GSE1: variants seen among roughly 807,000 people sequenced by gnomAD.
The protein encoded by GSE1 is genetic suppressor element 1.
In GSE1, 32 loss-of-function variants were observed where a neutral mutation model predicts 112.6. The observed-to-expected ratio is 0.28, with a 90% CI of 0.21 to 0.38. The LOEUF (loss-of-function observed/expected upper bound fraction) is 0.38. Ranked by LOEUF, GSE1 falls within the 10% of genes least tolerant of loss-of-function variation. The pLI is 1.00. For missense variants in GSE1, 2,348 were observed against 1,699.2 expected (o/e 1.38, Z -6.71); for synonymous variants, 1,115 against 735.6 (o/e 1.52, Z -8.35).
chr16:85,396,192 C>G (rs118043500), intron 2 of GSE1, among the ~76,000 whole-genome samples: 1 of 152,216 alleles, frequency 6.6e-6, no homozygotes, highest in East Asian at 1.9e-4. Context: ...TGCCCCTGCC[C>G]GTCTCCTCCC....
chr16:85,276,430 C>T (rs373053345), intron 1 of GSE1, among the ~76,000 whole-genome samples: 2 of 152,334 alleles, frequency 1.3e-5, no homozygotes, highest in East Asian at 1.9e-4. Context: ...GTTCACCCAG[C>T]GGTTTTCTGA....
At chr16:85,257,201 T>G (rs1008143269) in intron 1 of GSE1, among the ~76,000 whole-genome samples, 1 of 152,154 alleles carries the variant, frequency 6.6e-6, no homozygotes, top group African/African-American at 2.4e-5. Flanking sequence ...CTCCACCTCC[T>G]GGGTTCAAGC....
chr16:85,662,715 G>T, intron 9 of GSE1: 1 of 472,204 alleles, frequency 2.1e-6, no homozygotes, highest in Admixed American at 3.7e-5. Flanking sequence ...CTGCCAGGGG[G>T]AGGAGGGAGG....
intron 1 of GSE1, among the ~76,000 whole-genome samples, chr16:85,189,850 T>A (rs1161446510): frequency 1.3e-5 from 2 of 152,258 alleles, no homozygotes; most frequent in African/African-American, 4.8e-5. Flanking sequence ...GCCTGTAGGT[T>A]CTGTAATGAT....
At position 85,633,423 on chromosome 16, in the gene GSE1, G is replaced by A. The variant is rs539791985; in HGVS notation, c.8-491G>A. ...CAGTCTTCTGAGGGCATTGCCATGC[G>A]TGCCTGGCATCGTGTGCTTGTCGCG... On this transcript the variant is annotated intron_variant, in intron 1 of 15. Transcript: ENST00000253458. Among the ~76,000 whole-genome samples, 17 of 152,346 alleles carry A rather than the reference G, an allele frequency of 1.1e-4. No homozygotes were observed. The South Asian group carries it at 2.3e-3, about 20-fold the overall frequency.
intron 2 of GSE1, among the ~76,000 whole-genome samples, chr16:85,493,464 C>A (rs1201757979): frequency 1.3e-5 from 2 of 151,994 alleles, no homozygotes; most frequent in African/African-American, 2.4e-5. Context: ...ATTATATTAG[C>A]CAGCTGTGGC....
At chr16:85,285,253 A>C (rs373189335) in intron 1 of GSE1, 1 of 152,176 alleles carries the variant, frequency 6.6e-6, no homozygotes, top group East Asian at 1.9e-4. Context: ...CAAACAGTCC[A>C]TTTGGTTAAA....
chr16:85,640,648 G>A (rs766810687), intron 2 of GSE1, among the ~76,000 whole-genome samples: 6 of 152,244 alleles, frequency 3.9e-5, no homozygotes, highest in Non-Finnish European at 7.3e-5. Context: ...ATGAGCTGCC[G>A]TGGGAATGCT....
At position 85,491,150 on chromosome 16, in the gene GSE1, A is replaced by G. The variant is rs532630105; in HGVS notation, c.2464+133507A>G. ...CCAGAGCAGATGGAAAGAGCTTTTG[A>G]GCCTTCTCAGCTGCAGGTCAGCCCG... On this transcript the variant is annotated intron_variant, in intron 2 of 2. Coordinates refer to the GSE1 transcript ENST00000637419. Among the ~76,000 whole-genome samples, 4 of 152,242 alleles carry G rather than the reference A, an allele frequency of 2.6e-5. No individual in the cohort carries two copies. The South Asian group carries it at 8.3e-4, about 32-fold the overall frequency.
chr16:85,218,879 C>T (rs920175691), intron 1 of GSE1, among the ~76,000 whole-genome samples: 7 of 152,056 alleles, frequency 4.6e-5, no homozygotes, highest in Non-Finnish European at 8.8e-5. Context: ...ACAGTCCATG[C>T]GGATTTTTCT....
chr16:85,301,504 G>A (rs755891213), intron 1 of GSE1, among the ~76,000 whole-genome samples: 6 of 152,252 alleles, frequency 3.9e-5, no homozygotes, highest in South Asian at 2.1e-4. Context: ...AGTGGCTGCC[G>A]GTTGGTGGAT....
intron 13 of GSE1, 82 bp from the exon 14 acceptor site, chr16:85,668,058 G>C: frequency 9.4e-7 from 1 of 1,064,584 alleles, no homozygotes; most frequent in Non-Finnish European, 1.4e-6. Context: ...TCTGCACCAA[G>C]GGCAGAGCAG....
chr16:85,385,499 C>T (rs1420231602), intron 2 of GSE1, among the ~76,000 whole-genome samples: 1 of 152,136 alleles, frequency 6.6e-6, no homozygotes, highest in Admixed American at 6.5e-5. Flanking sequence ...ACAGCTCCTT[C>T]TCGGGGGCCC....
In GSE1 at chr16:85,672,931, A is replaced by G. The variant is rs938820918; in HGVS notation, c.*392A>G. ...TTCTTTCTTGTGTTGCCATGTTACT[A>G]TGCCTCAAGCCCAGTTTGCTTTTGC... is the stretch of plus-strand genomic sequence containing the variant. On this transcript the variant is annotated 3_prime_UTR_variant, in exon 16 of 16. Transcript: ENST00000253458. 4.5e-5 allele frequency: 7 copies of G among 154,810 alleles called. No homozygotes were observed. Among genetic ancestry groups the G allele is most frequent in the African/African-American group, 9.6e-5 (4 of 41,522 alleles). 9.6% of individuals were successfully genotyped at this position (154,810 alleles called of 1,614,324 possible). A position where few individuals can be genotyped will look rare whatever the true frequency, so the allele number is the denominator to read the frequency against.
rs895641712 is a variant in GSE1, at chr16:85,640,714, C to T, written c.226+6582C>T. On this transcript the variant is annotated intron_variant, in intron 2 of 15. Coordinates refer to ENST00000253458, the MANE Select transcript of GSE1 (RefSeq NM_014615.5). ...AGGCTCCCCCTTTCTGCCGCTGCCT[C>T]GGAAATCTGCCTCTCAAAGAAAACA... is the stretch of plus-strand genomic sequence containing the variant. 4.6e-5 allele frequency among the ~76,000 whole-genome samples: 7 copies of T among 152,368 alleles called. No homozygotes were observed. In the South Asian group the frequency reaches 8.3e-4, roughly 18 times the overall value.
chr16:85,340,308 C>T (rs1251662294), intron 1 of GSE1, among the ~76,000 whole-genome samples: 2 of 152,076 alleles, frequency 1.3e-5, no homozygotes, highest in African/African-American at 4.8e-5. Flanking sequence ...GGTGATTGCA[C>T]CACTGCACTC....
At chr16:85,268,234 G>T (rs1227343525) in intron 1 of GSE1, among the ~76,000 whole-genome samples, 1 of 53,228 alleles carries the variant, frequency 1.9e-5, no homozygotes, top group Non-Finnish European at 3.2e-5. Flanking sequence ...CACAAGGTGT[G>T]GCACAAGGGT....
chr16:85,421,340 A>T (rs1329202352), intron 2 of GSE1, among the ~76,000 whole-genome samples: 2 of 152,044 alleles, frequency 1.3e-5, no homozygotes, highest in Non-Finnish European at 2.9e-5. Context: ...TGCTTTCCAC[A>T]GGGTCACCCC....
intron 2 of GSE1, among the ~76,000 whole-genome samples, chr16:85,392,014 C>T (rs1321890866): frequency 6.6e-6 from 1 of 152,070 alleles, no homozygotes; most frequent in Non-Finnish European, 1.5e-5. Context: ...TTCCTGGGAA[C>T]TCCTCTCCTA....
Sources: gnomAD v4.1 joint callset for allele counts (sites outside exome capture counted in the v4.1 genomes callset) on GRCh38, gnomAD v4.1.1 for gene constraint, MANE v1.5 for transcripts, NCBI Gene and HGNC (gene_info 2026-07-23, HGNC 2026-07-21) for gene names.